CSMD3: variants seen among roughly 807,000 people sequenced by gnomAD.
The protein encoded by CSMD3 is CUB and Sushi multiple domains 3, also known as CUB and sushi domain-containing protein 3.
In CSMD3, 177 loss-of-function variants were observed where a neutral mutation model predicts 435.2. The observed-to-expected ratio is 0.41, with a 90% confidence interval of 0.36 to 0.46. The LOEUF is 0.46. Ranked by LOEUF, CSMD3 falls within the 20% of genes least tolerant of loss-of-function variation. The pLI is 0.34. For missense variants in CSMD3, 4,265 were observed against 4,504.6 expected (o/e 0.95, Z 1.52); for synonymous variants, 1,656 against 1,520.5 (o/e 1.09, Z -2.07).
At chr8:112,334,392 A>T (rs180903987) in intron 45 of CSMD3, among the ~76,000 whole-genome samples, 41 of 152,334 alleles carry the variant, frequency 2.7e-4, no homozygotes, top group African/African-American at 9.6e-4. Flanking sequence ...TTAAGTATCA[A>T]ATATTTAGCT....
intron 12 of CSMD3, among the ~76,000 whole-genome samples, chr8:112,826,698 C>A (rs2079690725): frequency 6.6e-6 from 1 of 152,138 alleles, no homozygotes; most frequent in Non-Finnish European, 1.5e-5. Flanking sequence ...ATTGCCAGTG[C>A]AGGATTTGCA....
At chr8:112,484,739 G>C (rs985141445) in intron 31 of CSMD3, among the ~76,000 whole-genome samples, 1 of 152,018 alleles carries the variant, frequency 6.6e-6, no homozygotes, top group Non-Finnish European at 1.5e-5. Flanking sequence ...AATCCAAAAT[G>C]CTCCAAAATC....
intron 9 of CSMD3, among the ~76,000 whole-genome samples, chr8:112,929,631 A>G (rs1211326824): frequency 2.0e-5 from 3 of 152,054 alleles, no homozygotes; most frequent in Non-Finnish European, 4.4e-5. Context: ...CAATATTTTT[A>G]TATAACAAGT....
intron 32 of CSMD3, among the ~76,000 whole-genome samples, chr8:112,449,981 C>A (rs569860538): frequency 6.6e-6 from 1 of 152,182 alleles, no homozygotes; most frequent in Non-Finnish European, 1.5e-5. Flanking sequence ...GCCTCAGACT[C>A]CCAAAGTTCT....
intron 1 of CSMD3, among the ~76,000 whole-genome samples, chr8:113,413,063 TGG>T (rs1229825837): frequency 1.3e-5 from 2 of 152,134 alleles, no homozygotes; most frequent in Non-Finnish European, 2.9e-5. Flanking sequence ...TTTATTCAAT[TGG>T]TATCTAATGT....
chr8:112,743,526 C>CCTTGTGATT (rs2077361477), intron 13 of CSMD3, among the ~76,000 whole-genome samples: 1 of 151,658 alleles, frequency 6.6e-6, no homozygotes, highest in Non-Finnish European at 1.5e-5. Flanking sequence ...ATGGATATTT[C>CCTTGTGATT]CTTGTGATTC....
At chr8:112,823,814 C>G (rs1326424295) in intron 12 of CSMD3, among the ~76,000 whole-genome samples, 2 of 151,974 alleles carry the variant, frequency 1.3e-5, no homozygotes, top group African/African-American at 4.8e-5. Flanking sequence ...TGGGGTGGAG[C>G]GTTCTGTAGA....
intron 7 of CSMD3, among the ~76,000 whole-genome samples, chr8:112,970,479 G>A (rs2084610136): frequency 6.7e-6 from 1 of 149,852 alleles, no homozygotes; most frequent in African/African-American, 2.5e-5. Context: ...ATTTACAAAT[G>A]TCACTAGATA....
At chr8:112,735,761 C>G (rs1005127127) in intron 13 of CSMD3, among the ~76,000 whole-genome samples, 2 of 151,994 alleles carry the variant, frequency 1.3e-5, no homozygotes, top group African/African-American at 4.8e-5. Context: ...ATATTGATCA[C>G]TGTGAGAATC....
chr8:112,457,158 GAC>G (rs1816920349), intron 32 of CSMD3, among the ~76,000 whole-genome samples: 1 of 152,072 alleles, frequency 6.6e-6, no homozygotes, highest in Non-Finnish European at 1.5e-5. Context: ...CAGAAGAGAA[GAC>G]ACAGTCAAAT....
chr8:112,403,138 C>G (rs1256353208), intron 35 of CSMD3, among the ~76,000 whole-genome samples: 1 of 152,128 alleles, frequency 6.6e-6, no homozygotes, highest in African/African-American at 2.4e-5. Flanking sequence ...GTCAGCAATT[C>G]TGCACAATAA....
At chr8:112,335,737 GT>G (rs60064881) in intron 44 of CSMD3, among the ~76,000 whole-genome samples, 3,941 of 134,232 alleles carry the variant, frequency 0.029, 138 homozygotes, top group African/African-American at 0.09. Context: ...CATTGTCTTT[GT>G]TTTTTTTTTT....
In CSMD3 at chr8:112,255,317, C is replaced by T. The variant is rs1482852766; in HGVS notation, c.9973G>A (p.Gly3325Arg). 7 of 1,613,412 alleles carry T rather than the reference C, an allele frequency of 4.3e-6. No individual in the cohort carries two copies. The East Asian group carries it at 1.3e-4, about 31-fold the overall frequency. ...FSCNFPFILVGSSTRICQADG... is the reference protein window; with the variant it reads ...FSCNFPFILVRSSTRICQADG... ...GCTTGACATATTCTGGTGCTTGATCCCACTAATATGAAAGGAAAATTGCAG... is the reference window on the plus strand; with the variant it reads ...GCTTGACATATTCTGGTGCTTGATCTCACTAATATGAAAGGAAAATTGCAG... Residue 3325 changes from glycine to arginine, a missense_variant, in exon 62 of 71, where the codon GGA becomes AGA. Physicochemically the swap from Gly to Arg is moderately radical, Grantham distance 125 (BLOSUM62 -2). Coordinates refer to ENST00000297405, the MANE Select transcript of CSMD3 (RefSeq NM_198123.2).
chr8:113,310,839 A>G (rs1009702424), intron 2 of CSMD3: 1 of 151,920 alleles, frequency 6.6e-6, no homozygotes, highest in Non-Finnish European at 1.5e-5. Flanking sequence ...AATTAATTAT[A>G]AAAGAAAAAA....
intron 13 of CSMD3, among the ~76,000 whole-genome samples, chr8:112,797,202 TAG>T (rs1440693828): frequency 6.6e-6 from 1 of 151,932 alleles, no homozygotes; most frequent in East Asian, 1.9e-4. Flanking sequence ...AGTACAGTCT[TAG>T]AACAGTCATT....
intron 32 of CSMD3, among the ~76,000 whole-genome samples, chr8:112,451,039 A>T (rs1168994470): frequency 3.9e-5 from 6 of 152,188 alleles, no homozygotes; most frequent in Non-Finnish European, 7.3e-5. Context: ...ATTGGTACAA[A>T]TATATGATGA....
At chr8:112,339,229 C>A (rs1259448820) in intron 42 of CSMD3, among the ~76,000 whole-genome samples, 2 of 151,900 alleles carry the variant, frequency 1.3e-5, no homozygotes, top group African/African-American at 4.8e-5. Context: ...TTCACCTTAG[C>A]CTCTGATTGG....
In CSMD3 at chr8:113,314,678, T is replaced by G; in HGVS notation, c.294A>C (p.Glu98Asp). Residue 98 changes from glutamate to aspartate, a missense_variant, in exon 2 of 71, where the codon GAA (glutamate) becomes GAC (aspartate). Physicochemically the swap from Glu to Asp is conservative, Grantham distance 45. This residue lies in a region of CSMD3 where 731 missense variants were observed against 755.4 expected (regional missense o/e 0.97). Coordinates refer to ENST00000297405, the MANE Select transcript of CSMD3 (RefSeq NM_198123.2). ...GANCTWVIIA[E>D]ERNRIQIVFQ... ...AAACAATTTGTATTCTATTTCGTTCTTCTGCTATTATTACCCATGTGCAGT... is the reference window on the plus strand; with the variant it reads ...AAACAATTTGTATTCTATTTCGTTCGTCTGCTATTATTACCCATGTGCAGT... 1 of 1,611,532 alleles carries G rather than the reference T, an allele frequency of 6.2e-7. No homozygotes were observed. Among genetic ancestry groups the G allele is most frequent in the Non-Finnish European group, 8.5e-7 (1 of 1,177,886 alleles).
chr8:112,314,502 C>T lies in CSMD3; in HGVS notation c.7476G>A (p.Lys2492=). ...CTACAAACATGGTGATATTATAACC[C>T]TTTTCCACTGAAATGCTCCATGCAC... ...QMCAWSISVE[K]GYNITMFVEF... Residue 2492 remains lysine (K), a synonymous_variant, in exon 48 of 71, where the codon AAG becomes AAA. Coordinates refer to ENST00000297405, the MANE Select transcript of CSMD3 (RefSeq NM_198123.2). The T allele has an allele frequency of 6.2e-7, 1 of 1,612,512 alleles. No homozygotes were observed. The highest frequency in any genetic ancestry group is 8.5e-7 in the Non-Finnish European group (1 of 1,178,716).
Sources: gnomAD v4.1 joint callset for allele counts (sites outside exome capture counted in the v4.1 genomes callset) on GRCh38, gnomAD v4.1.1 for gene constraint, gnomAD v4.1.1 regional missense constraint, MANE v1.5 for transcripts, NCBI Gene and HGNC (gene_info 2026-07-23, HGNC 2026-07-21) for gene names.